The following ADARB2 variants were observed in gnomAD, a reference collection of about 807,000 sequenced individuals.
ADARB2 encodes the protein adenosine deaminase RNA specific B2 (inactive), also known as inactive double-stranded RNA-specific editase B2.
In ADARB2, 25 loss-of-function variants were observed where a neutral mutation model predicts 62.2. That is an observed-to-expected ratio of 0.40 (90% CI 0.29 to 0.56). ADARB2 has a LOEUF of 0.56. Among genes scored for constraint, ADARB2 ranks in the 20% least tolerant of loss-of-function variants. The pLI is 0.43. For synonymous variants in ADARB2, 572 were observed against 500.8 expected, an observed-to-expected ratio of 1.14 and a Z score of -1.90; for missense variants, 1,071 against 1,077.4, an observed-to-expected ratio of 0.99 and a Z score of 0.08.
intron 6 of ADARB2, among the ~76,000 whole-genome samples, chr10:1,219,070 G>A (rs1441079941): frequency 5.5e-5 from 6 of 108,590 alleles, no homozygotes; most frequent in African/African-American, 9.8e-5. Flanking sequence ...AAAAAAAAAA[G>A]AGTGTGTGGC....
chr10:1,251,065 C>T (rs1003938926), intron 4 of ADARB2, among the ~76,000 whole-genome samples: 11 of 152,254 alleles, frequency 7.2e-5, no homozygotes, highest in Admixed American at 7.2e-4. Context: ...CTTTATCTGA[C>T]ACCATGTACC....
intron 1 of ADARB2, among the ~76,000 whole-genome samples, chr10:1,446,161 C>T (rs1300078387): frequency 6.6e-6 from 1 of 152,192 alleles, no homozygotes; most frequent in African/African-American, 2.4e-5. Context: ...TTTGTTCTTC[C>T]ACTTTCTGGA....
At chr10:1,292,559 A>G (rs7917856) in intron 3 of ADARB2, 5,708 of 152,282 alleles carry the variant, frequency 0.037, 365 homozygotes, top group African/African-American at 0.13. Context: ...AAATGTCTGT[A>G]TCACTCTCAG....
intron 1 of ADARB2, among the ~76,000 whole-genome samples, chr10:1,405,629 C>CAA (rs3029747): frequency 0.14 from 12,314 of 86,738 alleles, 906 homozygotes; most frequent in East Asian, 0.33. Context: ...GATTCAGTCT[C>CAA]AAAAAAAAAA....
At chr10:1,285,286 C>T (rs112458763) in intron 3 of ADARB2, among the ~76,000 whole-genome samples, 11 of 146,120 alleles carry the variant, frequency 7.5e-5, no homozygotes, top group East Asian at 2.2e-4. Flanking sequence ...GAGCTCACAC[C>T]GTGGGGAAAC....
intron 1 of ADARB2, among the ~76,000 whole-genome samples, chr10:1,476,511 C>G (rs1346947012): frequency 6.6e-6 from 1 of 152,202 alleles, no homozygotes; most frequent in African/African-American, 2.4e-5. Context: ...GATTGACAGC[C>G]CAGAAGCTGA....
chr10:1,550,058 C>G (rs1832591748), intron 1 of ADARB2, among the ~76,000 whole-genome samples: 1 of 152,138 alleles, frequency 6.6e-6, no homozygotes, highest in East Asian at 1.9e-4. Context: ...CAAACAAAGT[C>G]TTCCCTACAC....
chr10:1,442,930 G>A (rs142698941), intron 1 of ADARB2, among the ~76,000 whole-genome samples: 5 of 152,310 alleles, frequency 3.3e-5, no homozygotes, highest in Non-Finnish European at 5.9e-5. Context: ...TCTGAAAAGC[G>A]AGTTGACTGT....
At chr10:1,679,174 G>T (rs554069696) in intron 1 of ADARB2, among the ~76,000 whole-genome samples, 1 of 152,282 alleles carries the variant, frequency 6.6e-6, no homozygotes, top group East Asian at 1.9e-4. Context: ...GAGAGAAAAG[G>T]CATCGAGGAG....
intron 4 of ADARB2, among the ~76,000 whole-genome samples, chr10:1,262,949 C>T (rs1055268370): frequency 4.6e-5 from 7 of 151,770 alleles, no homozygotes; most frequent in African/African-American, 1.5e-4. Flanking sequence ...TACTATGCAG[C>T]CATAAAAAAT....
rs568181433 is a variant in ADARB2, at chr10:1,605,838, G to A, written c.100+131213C>T. ...TTATGGACAACTTAGAGAACGTTAAGAGGACTAGCAGCCCATTATCTGGCA... is the reference window on the plus strand; with the variant it reads ...TTATGGACAACTTAGAGAACGTTAAAAGGACTAGCAGCCCATTATCTGGCA... On this transcript the variant is annotated intron_variant, in intron 1 of 9. Coordinates refer to ENST00000381312, the MANE Select transcript of ADARB2 (RefSeq NM_018702.4). 3.1e-4 allele frequency among the ~76,000 whole-genome samples: 47 copies of A among 152,306 alleles called. No individual in the cohort carries two copies. In the South Asian group the frequency reaches 4.1e-3, roughly 13 times the overall value.
At chr10:1,188,209 G>A (rs1031266336) in intron 8 of ADARB2, 3 of 152,260 alleles carry the variant, frequency 2.0e-5, no homozygotes, top group African/African-American at 7.2e-5. Flanking sequence ...ATCAAACCAG[G>A]CAAATAAGAG....
chr10:1,529,935 G>GACCCATCCATTGCTCCCACCACCGCAGGC (rs541382866), intron 1 of ADARB2, among the ~76,000 whole-genome samples: 9 of 149,756 alleles, frequency 6.0e-5, no homozygotes, highest in East Asian at 5.9e-4. Flanking sequence ...CCACTGCAGG[G>GACCCATCCATTGCTCCCACCACCGCAGGC]ACCCATTCAC....
intron 3 of ADARB2, among the ~76,000 whole-genome samples, chr10:1,331,273 A>AC: frequency 6.6e-6 from 1 of 152,246 alleles, no homozygotes; most frequent in Non-Finnish European, 1.5e-5. Context: ...AGAAATAAAA[A>AC]CATATATCTA....
chr10:1,285,692 G>A (rs568757007), intron 3 of ADARB2, among the ~76,000 whole-genome samples: 3 of 152,278 alleles, frequency 2.0e-5, no homozygotes, highest in East Asian at 1.9e-4. Flanking sequence ...TATTGGCTCC[G>A]ATTACCATGG....
At chr10:1,266,305 T>C (rs1403089833) in intron 4 of ADARB2, among the ~76,000 whole-genome samples, 1 of 152,210 alleles carries the variant, frequency 6.6e-6, no homozygotes, top group Non-Finnish European at 1.5e-5. Context: ...ACAGCGCATG[T>C]GCTCCTGGCA....
intron 6 of ADARB2, among the ~76,000 whole-genome samples, chr10:1,220,798 C>A (rs1205596432): frequency 6.6e-6 from 1 of 152,206 alleles, no homozygotes; most frequent in African/African-American, 2.4e-5. Context: ...AACTAACTTT[C>A]CATGAAGTAC....
At chr10:1,394,106 C>T (rs1832592217) in intron 1 of ADARB2, among the ~76,000 whole-genome samples, 1 of 152,162 alleles carries the variant, frequency 6.6e-6, no homozygotes, top group Non-Finnish European at 1.5e-5. Context: ...CAGAGCCATC[C>T]CACGTATGAA....
chr10:1,472,704 G>A (rs1831340659), intron 1 of ADARB2, among the ~76,000 whole-genome samples: 1 of 152,166 alleles, frequency 6.6e-6, no homozygotes, highest in Admixed American at 6.5e-5. Flanking sequence ...CTTTTTGCCT[G>A]TGTTAAGTAT....
Sources: allele counts gnomAD v4.1 joint callset (sites outside exome capture counted in the v4.1 genomes callset), GRCh38; gene constraint gnomAD v4.1.1; transcripts MANE v1.5; gene names NCBI Gene and HGNC (gene_info 2026-07-23, HGNC 2026-07-21).